The following OSBP2 variants were observed in gnomAD, a reference collection of about 807,000 sequenced individuals.
OSBP2 encodes the protein oxysterol binding protein 2, also known as oxysterol-binding protein 2.
Under a neutral mutation model 96.0 loss-of-function variants are expected in OSBP2, and 66 were observed. That is an observed-to-expected ratio of 0.69 (90% CI 0.56 to 0.84). OSBP2 has a LOEUF of 0.84. Ranked by LOEUF, OSBP2 falls within the 40% of genes least tolerant of loss-of-function variation. The pLI is 0.00. For synonymous variants in OSBP2, 525 were observed against 520.9 expected (o/e 1.01, Z -0.11); for missense variants, 1,038 against 1,222.7 (o/e 0.85, Z 2.25).
At chr22:30,697,073 C>G (rs1039539031) in intron 1 of OSBP2, among the ~76,000 whole-genome samples, 1 of 152,144 alleles carries the variant, frequency 6.6e-6, no homozygotes, top group African/African-American at 2.4e-5. Flanking sequence ...AACATCTGGA[C>G]CTGTCCCAAA....
chr22:30,877,238 G>C (rs2039602590), intron 3 of OSBP2, among the ~76,000 whole-genome samples: 1 of 152,150 alleles, frequency 6.6e-6, no homozygotes, highest in Admixed American at 6.5e-5. Context: ...AAATTCCCTA[G>C]TGGGTAATTT....
chr22:30,768,196 T>A (rs1012516131), intron 2 of OSBP2, among the ~76,000 whole-genome samples: 1 of 152,160 alleles, frequency 6.6e-6, no homozygotes, highest in Non-Finnish European at 1.5e-5. Context: ...ATTTTCACCC[T>A]GGGGGTGACA....
chr22:30,843,788 A>G (rs1375958409), intron 2 of OSBP2, among the ~76,000 whole-genome samples: 1 of 152,066 alleles, frequency 6.6e-6, no homozygotes, highest in Non-Finnish European at 1.5e-5. Flanking sequence ...GGATCAGTTG[A>G]GCCCAGGAGT....
At chr22:30,831,251 A>G (rs1410284136) in intron 2 of OSBP2, among the ~76,000 whole-genome samples, 1 of 152,136 alleles carries the variant, frequency 6.6e-6, no homozygotes, top group Non-Finnish European at 1.5e-5. Context: ...ATTCTGAGAG[A>G]TTATTCTTTG....
intron 1 of OSBP2, among the ~76,000 whole-genome samples, chr22:30,740,479 G>A (rs144357759): frequency 4.7e-4 from 72 of 152,328 alleles, no homozygotes; most frequent in African/African-American, 1.7e-3. Context: ...AGGCAAGAAG[G>A]AGGTCTGCTT....
At chr22:30,768,390 C>T (rs1256143087) in intron 2 of OSBP2, among the ~76,000 whole-genome samples, 1 of 152,054 alleles carries the variant, frequency 6.6e-6, no homozygotes, top group African/African-American at 2.4e-5. Context: ...TTAAAACATT[C>T]CTGTGGCCAG....
At chr22:30,795,517 C>CTTTTT (rs1189358170) in intron 2 of OSBP2, among the ~76,000 whole-genome samples, 1 of 125,558 alleles carries the variant, frequency 8.0e-6, no homozygotes, top group Non-Finnish European at 1.7e-5. Context: ...CTATCCAATG[C>CTTTTT]ATTTTTTTTT....
At chr22:30,897,264 A>C (rs947012734) in intron 12 of OSBP2, among the ~76,000 whole-genome samples, 1 of 152,236 alleles carries the variant, frequency 6.6e-6, no homozygotes, top group African/African-American at 2.4e-5. Context: ...CCATCACCAC[A>C]GTGGGAAATT....
At chr22:30,786,376 T>G (rs1377089873) in intron 2 of OSBP2, among the ~76,000 whole-genome samples, 3 of 152,086 alleles carry the variant, frequency 2.0e-5, no homozygotes, top group Non-Finnish European at 4.4e-5. Context: ...TGACTGTACA[T>G]CTCTCTGTGC....
chr22:30,767,545 C>CTTT (rs695843), intron 2 of OSBP2, among the ~76,000 whole-genome samples: 66 of 146,406 alleles, frequency 4.5e-4, no homozygotes, highest in African/African-American at 1.2e-3. Flanking sequence ...ATCAGAATTC[C>CTTT]TTTTTTTTTT....
chr22:30,752,549 C>G (rs2145757987), intron 2 of OSBP2, among the ~76,000 whole-genome samples: 1 of 151,994 alleles, frequency 6.6e-6, no homozygotes, highest in African/African-American at 2.4e-5. Context: ...CTTGGCCTCC[C>G]AAAGTGCTAG....
chr22:30,704,237 A>G (rs75495299), intron 1 of OSBP2, among the ~76,000 whole-genome samples: 2,293 of 152,334 alleles, frequency 0.015, 30 homozygotes, highest in Middle Eastern at 0.044. Context: ...CCACAGCTAT[A>G]CTTTATTACA....
Position 30,893,909 on chromosome 22 carries a change from TAGCAGTCCC to T in OSBP2, c.2289_2297del (p.Pro767_Ser769del), listed in dbSNP as rs757329202. The T allele has an allele frequency of 1.9e-6, 3 of 1,591,504 alleles. No individual in the cohort carries two copies. Among genetic ancestry groups the T allele is most frequent in the African/African-American group, 1.3e-5 (1 of 74,642 alleles). ...AAATGGAGTGCTCCAAGGTCATGCA[TAGCAGTCCC>T]AGCAGCCCCAGCTCTGACGGGAAGC... On this transcript the variant is annotated inframe_deletion, in exon 12 of 14. Transcript: ENST00000332585.
intron 1 of OSBP2, among the ~76,000 whole-genome samples, chr22:30,737,373 G>A (rs1391483157): frequency 1.4e-5 from 2 of 145,640 alleles, no homozygotes; most frequent in Non-Finnish European, 3.0e-5. Context: ...ACTCAGGCTG[G>A]AATGCAGTGG....
At chr22:30,869,490 G>T (rs1035345045) in intron 2 of OSBP2, among the ~76,000 whole-genome samples, 2 of 152,186 alleles carry the variant, frequency 1.3e-5, no homozygotes, top group East Asian at 3.9e-4. Flanking sequence ...GGGCCTTTTG[G>T]CAGACTTTGT....
chr22:30,698,162 C>T (rs1173215779), intron 1 of OSBP2, among the ~76,000 whole-genome samples: 1 of 152,166 alleles, frequency 6.6e-6, no homozygotes, highest in Non-Finnish European at 1.5e-5. Context: ...CAAATGTGCC[C>T]AGTGCCGTGC....
intron 1 of OSBP2, among the ~76,000 whole-genome samples, chr22:30,739,164 G>A (rs547078302): frequency 1.3e-5 from 2 of 152,278 alleles, no homozygotes; most frequent in East Asian, 3.9e-4. Context: ...GATTGTAATT[G>A]GAAATGGCAT....
At chr22:30,788,072 A>G (rs1328851752) in intron 2 of OSBP2, among the ~76,000 whole-genome samples, 1 of 152,182 alleles carries the variant, frequency 6.6e-6, no homozygotes, top group Non-Finnish European at 1.5e-5. Context: ...CATGTAACCT[A>G]GAACAAATAA....
chr22:30,879,565 G>C (rs372171302), intron 3 of OSBP2, among the ~76,000 whole-genome samples: 1 of 152,178 alleles, frequency 6.6e-6, no homozygotes, highest in Non-Finnish European at 1.5e-5. Flanking sequence ...GCTCCGCCTC[G>C]GGGGTCAGGC....
Sources: gnomAD v4.1 joint callset for allele counts (sites outside exome capture counted in the v4.1 genomes callset) on GRCh38, gnomAD v4.1.1 for gene constraint, MANE v1.5 for transcripts, NCBI Gene and HGNC (gene_info 2026-07-23, HGNC 2026-07-21) for gene names.